The following PLEKHA7 variants were observed in gnomAD, a reference collection of about 807,000 sequenced individuals.
The protein encoded by PLEKHA7 is pleckstrin homology domain containing A7.
In PLEKHA7, 104 loss-of-function variants were observed where a neutral mutation model predicts 170.0. The ratio of observed to expected loss-of-function variants is 0.61; its 90% CI spans 0.52 to 0.72. The LOEUF is 0.72. Among genes scored for constraint, PLEKHA7 ranks in the 30% least tolerant of loss-of-function variants. The pLI is 0.00. For synonymous variants in PLEKHA7, 648 were observed against 660.8 expected (o/e 0.98, Z 0.30); for missense variants, 1,615 against 1,671.7 (o/e 0.97, Z 0.59).
In PLEKHA7 at chr11:16,948,210, C is replaced by T. The variant is rs377577896; in HGVS notation, c.221+65779G>A. ...GTTGGGAGATGTTGCTTGAAGGTTA[C>T]ATAATTTTAGTTAGGCAGAAGAAAT... On this transcript the variant is annotated intron_variant, in intron 3 of 26. Transcript: ENST00000531066. Among the ~76,000 whole-genome samples, 321 of 152,204 alleles carry T rather than the reference C, an allele frequency of 2.1e-3. 2 individuals are homozygous for T. The highest frequency in any genetic ancestry group is 7.4e-3 in the African/African-American group (307 of 41,530).
chr11:16,965,839 A>C (rs959231716), intron 3 of PLEKHA7, among the ~76,000 whole-genome samples: 1 of 152,176 alleles, frequency 6.6e-6, no homozygotes, highest in African/African-American at 2.4e-5. Context: ...AGTCCAGATA[A>C]AAGCACTCAG....
At chr11:16,918,535 T>C (rs1457584804) in intron 3 of PLEKHA7, among the ~76,000 whole-genome samples, 1 of 152,208 alleles carries the variant, frequency 6.6e-6, no homozygotes, top group Non-Finnish European at 1.5e-5. Flanking sequence ...TACACATCAG[T>C]ACAATGAGCC....
At chr11:16,961,939 G>A (rs1281962880) in intron 3 of PLEKHA7, among the ~76,000 whole-genome samples, 2 of 152,206 alleles carry the variant, frequency 1.3e-5, no homozygotes, top group South Asian at 4.1e-4. Flanking sequence ...CTGGCACATA[G>A]TAAGTGCATG....
intron 4 of PLEKHA7, among the ~76,000 whole-genome samples, chr11:16,859,138 C>T (rs1293469387): frequency 6.6e-6 from 1 of 152,200 alleles, no homozygotes; most frequent in Non-Finnish European, 1.5e-5. Context: ...ACCAAGGCCC[C>T]CCATGAGCAG....
chr11:16,916,995 G>A (rs1056738943), intron 3 of PLEKHA7, among the ~76,000 whole-genome samples: 1 of 152,138 alleles, frequency 6.6e-6, no homozygotes. Flanking sequence ...GAGGCGGGTG[G>A]ATCAATTGAG....
intron 3 of PLEKHA7, among the ~76,000 whole-genome samples, chr11:16,970,452 G>A (rs957073411): frequency 2.0e-5 from 3 of 152,040 alleles, no homozygotes; most frequent in African/African-American, 7.2e-5. Context: ...TTCAGTCCAG[G>A]AGTTTAAGAC....
intron 4 of PLEKHA7, among the ~76,000 whole-genome samples, chr11:16,869,844 G>C (rs576641755): frequency 6.6e-6 from 1 of 152,170 alleles, no homozygotes; most frequent in Non-Finnish European, 1.5e-5. Flanking sequence ...TATAAATACT[G>C]AGAGTTTATT....
intron 3 of PLEKHA7, among the ~76,000 whole-genome samples, chr11:16,989,635 G>A (rs1863919184): frequency 6.6e-6 from 1 of 152,192 alleles, no homozygotes; most frequent in Non-Finnish European, 1.5e-5. Context: ...TCCCCACACT[G>A]GACTGTGAAT....
intron 3 of PLEKHA7, among the ~76,000 whole-genome samples, chr11:17,010,553 C>A (rs1865264893): frequency 6.6e-6 from 1 of 152,134 alleles, no homozygotes; most frequent in Non-Finnish European, 1.5e-5. Context: ...CTGCAGTGAG[C>A]TATGATTGCA....
intron 17 of PLEKHA7, among the ~76,000 whole-genome samples, chr11:16,797,542 C>G (rs1297442443): frequency 6.6e-6 from 1 of 152,210 alleles, no homozygotes; most frequent in Non-Finnish European, 1.5e-5. Flanking sequence ...CAACAGAAGT[C>G]CAAAGCCTCC....
Position 16,851,179 on chromosome 11 carries a change from C to A in PLEKHA7, c.696+12G>T, listed in dbSNP as rs1427412413. Reference sequence around the variant, plus strand: ...AGACAGAATGGCTGCATTAGAGGTGCAGGGGCAGTACCTTAAAGGAATATT... The same window carrying A: ...AGACAGAATGGCTGCATTAGAGGTGAAGGGGCAGTACCTTAAAGGAATATT... On this transcript the variant is annotated intron_variant, in intron 8 of 26. Transcript: ENST00000531066. The A allele has an allele frequency of 6.3e-7, 1 of 1,585,020 alleles. No individual in the cohort carries two copies. The highest frequency in any genetic ancestry group is 8.6e-7 in the Non-Finnish European group (1 of 1,162,938).
chr11:16,990,273 CAAAAAAAA>C (rs550741646), intron 3 of PLEKHA7, among the ~76,000 whole-genome samples: 1 of 62,700 alleles, frequency 1.6e-5, no homozygotes, highest in Admixed American at 1.9e-4. Context: ...GACCCTGTCT[CAAAAAAAA>C]AAAAAAAAAA....
intron 3 of PLEKHA7, among the ~76,000 whole-genome samples, chr11:16,978,472 C>T (rs1015294179): frequency 1.3e-5 from 2 of 152,144 alleles, no homozygotes; most frequent in Admixed American, 6.5e-5. Flanking sequence ...GCTTTAGAAT[C>T]ACAGAGAATA....
intron 3 of PLEKHA7, among the ~76,000 whole-genome samples, chr11:16,906,139 TA>T (rs2136091131): frequency 6.6e-6 from 1 of 151,986 alleles, no homozygotes; most frequent in African/African-American, 2.4e-5. Flanking sequence ...TCAAAATTAA[TA>T]TTCAAAGTCC....
At chr11:16,836,885 A>G (rs1851557461) in intron 9 of PLEKHA7, among the ~76,000 whole-genome samples, 1 of 151,444 alleles carries the variant, frequency 6.6e-6, no homozygotes, top group African/African-American at 2.4e-5. Context: ...ATGCAATGGC[A>G]TGATCTTGGC....
intron 24 of PLEKHA7, among the ~76,000 whole-genome samples, chr11:16,784,685 T>C (rs1849281545): frequency 6.6e-6 from 1 of 152,160 alleles, no homozygotes; most frequent in Admixed American, 6.5e-5. Flanking sequence ...ATGGGGTGGG[T>C]TGAAGCTCCT....
intron 3 of PLEKHA7, among the ~76,000 whole-genome samples, chr11:17,007,354 C>T (rs1865064825): frequency 6.6e-6 from 1 of 151,418 alleles, no homozygotes; most frequent in Non-Finnish European, 1.5e-5. Flanking sequence ...CAGAGTTTTA[C>T]TCTTGTTGCC....
At chr11:16,890,347 G>C (rs1398555568) in intron 3 of PLEKHA7, among the ~76,000 whole-genome samples, 1 of 152,022 alleles carries the variant, frequency 6.6e-6, no homozygotes, top group African/African-American at 2.4e-5. Context: ...AAAAGATACA[G>C]GCTGGTGGAA....
At chr11:16,972,392 G>A (rs1163068264) in intron 3 of PLEKHA7, among the ~76,000 whole-genome samples, 1 of 152,004 alleles carries the variant, frequency 6.6e-6, no homozygotes, top group Non-Finnish European at 1.5e-5. Context: ...AAAGTGCTGG[G>A]ATTACAGGCG....
Sources: allele counts gnomAD v4.1 joint callset (sites outside exome capture counted in the v4.1 genomes callset), GRCh38; gene constraint gnomAD v4.1.1; transcripts MANE v1.5; gene names NCBI Gene and HGNC (gene_info 2026-07-23, HGNC 2026-07-21).